INPP5F: variants seen among roughly 807,000 people sequenced by gnomAD.
The protein encoded by INPP5F is inositol polyphosphate-5-phosphatase F.
Under a neutral mutation model 137.2 loss-of-function variants are expected in INPP5F, and 97 were observed. The ratio of observed to expected loss-of-function variants is 0.71; its 90% CI spans 0.60 to 0.84. The LOEUF (loss-of-function observed/expected upper bound fraction) is 0.84, where lower values mean the gene tolerates loss of function less well. INPP5F is among the 40% of genes least tolerant of loss of function. INPP5F has a pLI of 0.00. For missense variants in INPP5F, 1,271 were observed against 1,371.9 expected, an observed-to-expected ratio of 0.93 and a Z score of 1.16; for synonymous variants, 504 against 476.9, an observed-to-expected ratio of 1.06 and a Z score of -0.74.
intron 9 of INPP5F, among the ~76,000 whole-genome samples, chr10:119,800,812 C>T (rs376649331): frequency 4.6e-5 from 7 of 151,572 alleles, no homozygotes; most frequent in South Asian, 4.2e-4. Context: ...TAGCTGGGCA[C>T]GGTGGGATGC....
At chr10:119,795,369 C>T (rs1172476265) in intron 6 of INPP5F, among the ~76,000 whole-genome samples, 12 of 149,324 alleles carry the variant, frequency 8.0e-5, no homozygotes, top group Admixed American at 1.3e-4. Flanking sequence ...GACGGGGCGG[C>T]TGCCAGGCGG....
intron 15 of INPP5F, chr10:119,816,434 CTT>C (rs1851282261): frequency 1.3e-5 from 2 of 152,156 alleles, no homozygotes; most frequent in African/African-American, 4.8e-5. Context: ...ATTAACTCCT[CTT>C]TGTACAGGCA....
rs1401975018 is a variant in INPP5F at position 119,771,869 on chromosome 10, TATATATATATATA to T, written c.179-9765_179-9753del. ...AGATATATATATATATATATATATATATATATATATATATTTTTTTTTTTTTTTTTTTTTTTTT... is the reference window on the plus strand; with the variant it reads ...AGATATATATATATATATATATATATTTTTTTTTTTTTTTTTTTTTTTTTT... On this transcript the variant is annotated intron_variant, in intron 2 of 19. Transcript: ENST00000650623. 6.7e-3 allele frequency among the ~76,000 whole-genome samples: 104 copies of T among 15,470 alleles called. 4 individuals carry two copies. In the South Asian group the frequency reaches 0.097, roughly 14 times the overall value. The allele number at this position is 15,470 out of a possible 152,430, so 10.1% of individuals were successfully genotyped here. A position where few individuals can be genotyped will look rare whatever the true frequency, so the allele number is the denominator to read the frequency against.
chr10:119,815,046 T>G (rs564041029), intron 15 of INPP5F, among the ~76,000 whole-genome samples: 1 of 152,196 alleles, frequency 6.6e-6, no homozygotes, highest in African/African-American at 2.4e-5. Flanking sequence ...TTTGTATTTT[T>G]AATAGAGATG....
At chr10:119,765,360 A>T (rs1849124909) in intron 2 of INPP5F, among the ~76,000 whole-genome samples, 1 of 151,858 alleles carries the variant, frequency 6.6e-6, no homozygotes, top group African/African-American at 2.4e-5. Context: ...GGGGTGTTAA[A>T]AGTTGTATGT....
intron 15 of INPP5F, chr10:119,819,403 C>T (rs1851454897): frequency 1.4e-6 from 2 of 1,438,282 alleles, no homozygotes; most frequent in East Asian, 2.6e-5. Flanking sequence ...TCATGTTTGG[C>T]TGATGTAAAT....
chr10:119,826,069 C>A (rs894251172), intron 19 of INPP5F: 4 of 398,194 alleles, frequency 1.0e-5, no homozygotes, highest in African/African-American at 2.1e-5. Flanking sequence ...TGTCTCCCCC[C>A]ACTATCTGAA....
chr10:119,762,269 G>A (rs556597208), intron 2 of INPP5F, among the ~76,000 whole-genome samples: 1 of 152,310 alleles, frequency 6.6e-6, no homozygotes, highest in African/African-American at 2.4e-5. Context: ...GGCTCTGGAG[G>A]CTGGACAGCC....
At chr10:119,776,864 C>T (rs1216999590) in intron 2 of INPP5F, among the ~76,000 whole-genome samples, 2 of 152,076 alleles carry the variant, frequency 1.3e-5, no homozygotes, top group Non-Finnish European at 2.9e-5. Context: ...GATCCTCCCA[C>T]CTCAGCCTCC....
At chr10:119,773,468 A>G (rs1849428022) in intron 2 of INPP5F, among the ~76,000 whole-genome samples, 1 of 152,186 alleles carries the variant, frequency 6.6e-6, no homozygotes, top group Admixed American at 6.5e-5. Context: ...TAGTGAACAT[A>G]CTACCCAATA....
intron 3 of INPP5F, among the ~76,000 whole-genome samples, chr10:119,785,341 AGTGGCACGATCTCG>A (rs1407972499): frequency 1.5e-5 from 2 of 137,184 alleles, no homozygotes; most frequent in Non-Finnish European, 1.5e-5. Flanking sequence ...GCTGGAGTGC[AGTGGCACGATCTCG>A]GCTCACTGCA....
chr10:119,820,805 G>A (rs1256094047), intron 15 of INPP5F, 41 bp from the exon 16 acceptor site: 4 of 1,494,464 alleles, frequency 2.7e-6, no homozygotes, highest in Admixed American at 1.7e-5. Flanking sequence ...AAATGCAGAT[G>A]GAAATGAAAA....
At chr10:119,745,678 C>A (rs1196876330) in intron 1 of INPP5F, among the ~76,000 whole-genome samples, 1 of 149,814 alleles carries the variant, frequency 6.7e-6, no homozygotes, top group East Asian at 1.9e-4. Flanking sequence ...GCCATGGTCT[C>A]CAGGAAGCTC....
rs144240698 is a variant in INPP5F at position 119,738,704 on chromosome 10, C to T, written c.97+12345C>T. 1.9e-4 allele frequency among the ~76,000 whole-genome samples: 29 copies of T among 152,112 alleles called. No individual in the cohort carries two copies. In the East Asian group the frequency reaches 2.3e-3, roughly 12 times the overall value. On this transcript the variant is annotated intron_variant, in intron 1 of 19. Coordinates refer to ENST00000650623, the MANE Select transcript of INPP5F (RefSeq NM_014937.4). ...TTTGAAGTGTCAGCTGTATGCCAGG[C>T]GCTATACCAGGCAGCGAAGTCAGAG...
chr10:119,822,476 T>C lies in INPP5F; in HGVS notation c.2004T>C (p.Ser668=). 6.5e-7 allele frequency: 1 copy of C among 1,534,322 alleles called. No homozygotes were observed. The highest frequency in any genetic ancestry group is 1.2e-5 in the South Asian group (1 of 83,954). ...VDKVNQYQRL[S]LENLEKIEIG... ...AAGTAAACCAGTATCAACGACTAAG[T>C]CTAGAAAACCTGGAAAAAATTGAAA... The change falls in exon 17 of 20, where the codon AGT becomes AGC. Residue 668 remains serine, a synonymous_variant. Transcript: ENST00000650623.
intron 3 of INPP5F, among the ~76,000 whole-genome samples, chr10:119,784,702 C>G (rs558199337): frequency 1.1e-4 from 16 of 152,280 alleles, no homozygotes; most frequent in African/African-American, 3.6e-4. Context: ...ATTCACATAC[C>G]ATAATTCAAA....
chr10:119,819,397 G>A (rs927125560), intron 15 of INPP5F: 4 of 1,435,416 alleles, frequency 2.8e-6, no homozygotes, highest in Non-Finnish European at 3.7e-6. Flanking sequence ...TGGGGATCAT[G>A]TTTGGCTGAT....
At chr10:119,809,516 C>G (rs1850942243) in intron 13 of INPP5F, among the ~76,000 whole-genome samples, 1 of 152,158 alleles carries the variant, frequency 6.6e-6, no homozygotes, top group South Asian at 2.1e-4. Context: ...TAAGTCACCA[C>G]TTCTCTAGGG....
intron 2 of INPP5F, among the ~76,000 whole-genome samples, chr10:119,761,400 A>G (rs1488050686): frequency 2.0e-5 from 3 of 152,238 alleles, no homozygotes; most frequent in Non-Finnish European, 4.4e-5. Context: ...TGAGAGCATT[A>G]GAAGCCTAAT....
Sources: gnomAD v4.1 joint callset for allele counts (sites outside exome capture counted in the v4.1 genomes callset) on GRCh38, gnomAD v4.1.1 for gene constraint, MANE v1.5 for transcripts, NCBI Gene and HGNC (gene_info 2026-07-23, HGNC 2026-07-21) for gene names.